Variants in VPS13B observed in about 807,000 individuals in gnomAD.
VPS13B encodes the protein intermembrane lipid transfer protein VPS13B.
A neutral mutation model predicts 426.4 loss-of-function variants in VPS13B; 285 were observed. The observed-to-expected ratio is 0.67, with a 90% CI of 0.61 to 0.74. The LOEUF is 0.74. Among genes scored for constraint, VPS13B ranks in the 30% least tolerant of loss-of-function variants. VPS13B has a pLI of 0.00. For missense variants in VPS13B, 4,537 were observed against 4,782.6 expected (o/e 0.95, Z 1.51); for synonymous variants, 1,676 against 1,676.4 (o/e 1.00, Z 0.01).
intron 3 of VPS13B, among the ~76,000 whole-genome samples, chr8:99,050,031 T>A (rs886133734): frequency 3.9e-5 from 6 of 151,974 alleles, no homozygotes; most frequent in African/African-American, 1.4e-4. Flanking sequence ...TTTATTTTTT[T>A]ATTTATCTTT....
chr8:99,835,895 A>G (rs1007077321), intron 54 of VPS13B, among the ~76,000 whole-genome samples, 157 bp downstream of exon 54: 7 of 152,238 alleles, frequency 4.6e-5, no homozygotes, highest in Non-Finnish European at 1.0e-4. Flanking sequence ...TCATTAAGTT[A>G]TAAATTCTCA....
intron 24 of VPS13B, among the ~76,000 whole-genome samples, chr8:99,480,281 G>T (rs1281506849): frequency 6.6e-6 from 1 of 152,064 alleles, no homozygotes; most frequent in East Asian, 1.9e-4. Flanking sequence ...GGTTTGCATG[G>T]CACTTTAAAC....
At chr8:99,061,302 T>C (rs1479642805) in intron 3 of VPS13B, among the ~76,000 whole-genome samples, 2 of 149,980 alleles carry the variant, frequency 1.3e-5, no homozygotes, top group South Asian at 2.1e-4. Flanking sequence ...TTTTCTTTTT[T>C]TTTTTTTTTT....
chr8:99,320,449 A>G (rs974286163), intron 19 of VPS13B, among the ~76,000 whole-genome samples: 1 of 152,024 alleles, frequency 6.6e-6, no homozygotes, highest in African/African-American at 2.4e-5. Context: ...TGGCCAATTA[A>G]TGTTGATATA....
chr8:99,205,404 G>T (rs1814642132), intron 17 of VPS13B, among the ~76,000 whole-genome samples: 1 of 152,154 alleles, frequency 6.6e-6, no homozygotes, highest in Admixed American at 6.5e-5. Flanking sequence ...ATCTAATGTA[G>T]ATGACGGGTT....
chr8:99,104,558 G>A (rs7838738), intron 5 of VPS13B, among the ~76,000 whole-genome samples: 153 of 100,334 alleles, frequency 1.5e-3, no homozygotes, highest in African/African-American at 5.6e-3. Context: ...TCTCCCCACC[G>A]TCCCCCCTCC....
At chr8:99,850,700 T>C (rs1816244442) in intron 55 of VPS13B, among the ~76,000 whole-genome samples, 2 of 152,046 alleles carry the variant, frequency 1.3e-5, no homozygotes, top group African/African-American at 2.4e-5. Context: ...CCGAGGTGGG[T>C]GGATCACCTG....
intron 35 of VPS13B, among the ~76,000 whole-genome samples, chr8:99,699,048 G>A (rs1398468874): frequency 6.6e-6 from 1 of 150,842 alleles, no homozygotes; most frequent in South Asian, 2.1e-4. Flanking sequence ...TGAACAATTA[G>A]AGAATTGTAG....
At chr8:99,144,384 C>T (rs908193720) in intron 13 of VPS13B, among the ~76,000 whole-genome samples, 9 of 149,958 alleles carry the variant, frequency 6.0e-5, no homozygotes, top group Non-Finnish European at 1.2e-4. Context: ...CTGTGGTCTC[C>T]GGGCTGAGCA....
At chr8:99,514,890 A>G (rs527722482) in intron 29 of VPS13B, among the ~76,000 whole-genome samples, 4 of 152,346 alleles carry the variant, frequency 2.6e-5, no homozygotes, top group East Asian at 1.9e-4. Flanking sequence ...CTTGTGGATT[A>G]GAGCACGATT....
At chr8:99,038,777 C>T (rs1842852611) in intron 3 of VPS13B, among the ~76,000 whole-genome samples, 1 of 148,980 alleles carries the variant, frequency 6.7e-6, no homozygotes, top group South Asian at 2.1e-4. Context: ...ACCTCCTCCT[C>T]CTGGGTTCAA....
In VPS13B at chr8:99,065,944, G is replaced by A. The variant is rs1772911228; in HGVS notation, c.291+27378G>A. Among the ~76,000 whole-genome samples, 2 of 152,234 alleles carry A rather than the reference G, an allele frequency of 1.3e-5. 1 individual carries two copies. Among genetic ancestry groups the A allele is most frequent in the East Asian group, 3.9e-4 (2 of 5,182 alleles). The stretch of plus-strand genomic sequence containing the variant: ...AAATACCTAGGAATCCAACTTACAA[G>A]GGATGTGAAGGACCTCTTCAAGGAG... On this transcript the variant is annotated intron_variant, in intron 3 of 61. Transcript: ENST00000357162.
chr8:99,816,180 G>C (rs1054103826), intron 44 of VPS13B, among the ~76,000 whole-genome samples: 4 of 151,008 alleles, frequency 2.6e-5, no homozygotes, highest in Non-Finnish European at 4.4e-5. Context: ...TCGGCTCACC[G>C]CAACCTCCAC....
intron 17 of VPS13B, among the ~76,000 whole-genome samples, chr8:99,273,834 T>G (rs1234040993): frequency 2.0e-5 from 3 of 152,082 alleles, no homozygotes; most frequent in African/African-American, 4.8e-5. Context: ...TCGCCTAAAT[T>G]AAACTTGACT....
At chr8:99,846,091 A>G (rs1815968034) in intron 54 of VPS13B, among the ~76,000 whole-genome samples, 1 of 152,214 alleles carries the variant, frequency 6.6e-6, no homozygotes, top group Admixed American at 6.5e-5. Flanking sequence ...CTAGAAGTCA[A>G]TACAGCAGAA....
At chr8:99,067,077 C>G (rs1844562674) in intron 3 of VPS13B, among the ~76,000 whole-genome samples, 2 of 152,172 alleles carry the variant, frequency 1.3e-5, no homozygotes, top group African/African-American at 4.8e-5. Flanking sequence ...TTGTGGAAGA[C>G]AGTGTGGCTA....
At chr8:99,574,373 T>C (rs1309601194) in intron 31 of VPS13B, among the ~76,000 whole-genome samples, 1 of 152,214 alleles carries the variant, frequency 6.6e-6, no homozygotes, top group Non-Finnish European at 1.5e-5. Flanking sequence ...ATTCCCTGTC[T>C]TGTGCCAGTT....
intron 35 of VPS13B, among the ~76,000 whole-genome samples, chr8:99,664,397 G>A (rs376399424): frequency 1.9e-4 from 29 of 151,152 alleles, no homozygotes; most frequent in South Asian, 6.3e-4. Context: ...TACATGTGCC[G>A]TGTTGGTGTG....
intron 59 of VPS13B, among the ~76,000 whole-genome samples, chr8:99,868,776 C>A (rs193155181): frequency 2.6e-5 from 4 of 152,188 alleles, no homozygotes; most frequent in Non-Finnish European, 5.9e-5. Flanking sequence ...AGAATTAAGA[C>A]TTTTTCCTAT....
Sources: gnomAD v4.1 joint callset for allele counts (sites outside exome capture counted in the v4.1 genomes callset) on GRCh38, gnomAD v4.1.1 for gene constraint, MANE v1.5 for transcripts, NCBI Gene and HGNC (gene_info 2026-07-23, HGNC 2026-07-21) for gene names.